CTNNA2: variants seen among roughly 807,000 people sequenced by gnomAD.
CTNNA2 encodes the protein catenin alpha 2, also known as catenin alpha-2.
Under a neutral mutation model 101.0 loss-of-function variants are expected in CTNNA2, and 42 were observed. The ratio of observed to expected loss-of-function variants is 0.42; its 90% confidence interval spans 0.32 to 0.54. The LOEUF is 0.54. Among genes scored for constraint, CTNNA2 ranks in the 20% least tolerant of loss-of-function variants. The pLI, the probability that CTNNA2 is intolerant of heterozygous loss-of-function variation, is 0.14. For synonymous variants in CTNNA2, 450 were observed against 456.4 expected (o/e 0.99, Z 0.18); for missense variants, 871 against 1,223.1 (o/e 0.71, Z 4.29).
chr2:79,926,723 A>C (rs1687044065), intron 7 of CTNNA2, among the ~76,000 whole-genome samples: 2 of 151,968 alleles, frequency 1.3e-5, no homozygotes, highest in Non-Finnish European at 2.9e-5. Flanking sequence ...TTTAGAATTG[A>C]ACATCTAAAA....
intron 1 of CTNNA2, among the ~76,000 whole-genome samples, chr2:79,539,291 C>T (rs377135151): frequency 3.3e-5 from 5 of 152,146 alleles, no homozygotes; most frequent in Non-Finnish European, 5.9e-5. Context: ...TTGCTTTCCT[C>T]GTGTCTTCTG....
chr2:79,488,899 C>A (rs1368692820), intron 4 of CTNNA2, among the ~76,000 whole-genome samples: 2 of 152,128 alleles, frequency 1.3e-5, no homozygotes, highest in Admixed American at 6.5e-5. Flanking sequence ...TATATCACTA[C>A]CATTCTATTG....
intron 7 of CTNNA2, among the ~76,000 whole-genome samples, chr2:80,047,462 T>C (rs1227795546): frequency 6.6e-6 from 1 of 152,166 alleles, no homozygotes; most frequent in Non-Finnish European, 1.5e-5. Context: ...GGGAGATTCA[T>C]CCCTTATGAT....
At chr2:79,717,146 T>A (rs1322126173) in intron 2 of CTNNA2, among the ~76,000 whole-genome samples, 1 of 152,182 alleles carries the variant, frequency 6.6e-6, no homozygotes, top group Non-Finnish European at 1.5e-5. Flanking sequence ...TACAAGAGAC[T>A]GCTGTTTTTG....
intron 4 of CTNNA2, among the ~76,000 whole-genome samples, chr2:79,866,247 G>A (rs1414073484): frequency 2.6e-5 from 4 of 152,168 alleles, no homozygotes; most frequent in African/African-American, 7.2e-5. Context: ...CCACTAAATT[G>A]GGAATAAATT....
chr2:80,363,537 T>C (rs368886395), intron 7 of CTNNA2, among the ~76,000 whole-genome samples: 14 of 152,230 alleles, frequency 9.2e-5, no homozygotes, highest in East Asian at 5.8e-4. Flanking sequence ...ACCTTCGTGG[T>C]GATGAATCAT....
chr2:79,256,573 T>A (rs1272795786), intron 2 of CTNNA2, among the ~76,000 whole-genome samples: 1 of 152,202 alleles, frequency 6.6e-6, no homozygotes, highest in Non-Finnish European at 1.5e-5. Context: ...CAGAGTACTA[T>A]GTTTTGAATG....
At chr2:79,802,705 G>GT (rs1488407857) in intron 3 of CTNNA2, among the ~76,000 whole-genome samples, 1 of 152,214 alleles carries the variant, frequency 6.6e-6, no homozygotes, top group Non-Finnish European at 1.5e-5. Context: ...TTATACATTT[G>GT]TTTTTTGCAT....
intron 4 of CTNNA2, among the ~76,000 whole-genome samples, chr2:79,480,718 A>G (rs1340397274): frequency 6.6e-6 from 1 of 152,156 alleles, no homozygotes; most frequent in Non-Finnish European, 1.5e-5. Flanking sequence ...ATAATGTTTT[A>G]TGCTAAACAC....
chr2:80,563,004 A>G (rs1394442609), intron 12 of CTNNA2, among the ~76,000 whole-genome samples: 3 of 140,120 alleles, frequency 2.1e-5, no homozygotes, highest in Non-Finnish European at 4.7e-5. Context: ...GTGACACAGC[A>G]GAACAAACAG....
intron 3 of CTNNA2, among the ~76,000 whole-genome samples, chr2:79,790,010 A>G (rs1461104446): frequency 1.3e-5 from 2 of 152,154 alleles, no homozygotes; most frequent in African/African-American, 4.8e-5. Flanking sequence ...TCATATGAAT[A>G]AAGAAAAAGG....
intron 3 of CTNNA2, among the ~76,000 whole-genome samples, chr2:79,821,555 T>A (rs149692081): frequency 6.6e-6 from 1 of 152,246 alleles, no homozygotes; most frequent in East Asian, 1.9e-4. Flanking sequence ...GAGAAGAAAA[T>A]GAAAGTTATT....
chr2:79,788,839 A>G (rs892082856), intron 3 of CTNNA2, among the ~76,000 whole-genome samples: 1 of 152,188 alleles, frequency 6.6e-6, no homozygotes. Context: ...TGCTTTGCAT[A>G]CATTCCATAC....
intron 3 of CTNNA2, among the ~76,000 whole-genome samples, chr2:79,809,132 T>C (rs998630273): frequency 6.6e-6 from 1 of 152,220 alleles, no homozygotes; most frequent in Non-Finnish European, 1.5e-5. Context: ...TCCTTTTATA[T>C]GGCTGCATGG....
intron 7 of CTNNA2, among the ~76,000 whole-genome samples, chr2:80,189,832 G>A (rs544316400): frequency 5.3e-5 from 8 of 152,170 alleles, no homozygotes; most frequent in African/African-American, 1.9e-4. Context: ...AGGTAGAAGT[G>A]TAATAATGTC....
chr2:80,555,174 A>G (rs1692920909), intron 11 of CTNNA2, among the ~76,000 whole-genome samples: 1 of 152,062 alleles, frequency 6.6e-6, no homozygotes, highest in Non-Finnish European at 1.5e-5. Context: ...TTTTTCCTCA[A>G]ATGTTTTCGT....
chr2:79,979,821 G>A (rs552073407), intron 7 of CTNNA2, among the ~76,000 whole-genome samples: 31 of 152,196 alleles, frequency 2.0e-4, no homozygotes, highest in African/African-American at 7.2e-4. Context: ...TCAATTCCTA[G>A]CAACTAATGC....
At position 80,393,244 on chromosome 2, in the gene CTNNA2, A is replaced by G. The variant is rs770693896; in HGVS notation, c.1090A>G (p.Ile364Val). The change falls in exon 8 of 19, where the codon ATT becomes GTT. Residue 364 changes from isoleucine (I) to valine (V), a missense_variant. Coordinates refer to ENST00000402739, the MANE Select transcript of CTNNA2 (RefSeq NM_001282597.3). ...GAAAGAAAAAGGAGATCCTCTCAAC[A>G]TTGCGATTGATAAGATGACTAAGAA... ...GRKEKGDPLN[I>V]AIDKMTKKTR... 1 of 1,610,802 alleles carries G rather than the reference A, an allele frequency of 6.2e-7. No individual in the cohort carries two copies. The highest frequency in any genetic ancestry group is 1.3e-5 in the African/African-American group (1 of 74,758).
chr2:79,546,291 A>T (rs10176340), intron 1 of CTNNA2, among the ~76,000 whole-genome samples: 1 of 152,096 alleles, frequency 6.6e-6, no homozygotes. Flanking sequence ...GCATCCTTAA[A>T]TTCTCAGGAA....
Sources: allele counts gnomAD v4.1 joint callset (sites outside exome capture counted in the v4.1 genomes callset), GRCh38; gene constraint gnomAD v4.1.1; transcripts MANE v1.5; gene names NCBI Gene and HGNC (gene_info 2026-07-23, HGNC 2026-07-21).